Variants in SATB1 observed in about 807,000 individuals in gnomAD.
SATB1 encodes SATB homeobox 1, also known as DNA-binding protein SATB1.
SATB1 carries 11 observed loss-of-function variants against 86.9 expected under a neutral mutation model. The ratio of observed to expected loss-of-function variants is 0.13; its 90% CI spans 0.08 to 0.21. The LOEUF (loss-of-function observed/expected upper bound fraction) is 0.21. Among genes scored for constraint, SATB1 ranks in the 10% least tolerant of loss-of-function variants. The pLI, the probability that SATB1 is intolerant of heterozygous loss-of-function variation, is 1.00. For missense variants in SATB1, 551 were observed against 937.6 expected (o/e 0.59, Z 5.39); for synonymous variants, 357 against 357.2 (o/e 1.00, Z 0.01).
At chr3:18,436,564 A>C (rs984212305) in intron 2 of SATB1, among the ~76,000 whole-genome samples, 6 of 152,072 alleles carry the variant, frequency 3.9e-5, no homozygotes, top group African/African-American at 1.2e-4. Context: ...GTGCAGATTA[A>C]GTGTTCAGAT....
upstream of SATB1, among the ~76,000 whole-genome samples, chr3:18,438,948 C>A (rs1319870439): frequency 6.6e-6 from 1 of 152,218 alleles, no homozygotes; most frequent in East Asian, 1.9e-4. Context: ...TGGGGACCTG[C>A]ACCCCTAGGT....
At chr3:18,385,803 G>A (rs1377758481) in intron 8 of SATB1, among the ~76,000 whole-genome samples, 2 of 151,982 alleles carry the variant, frequency 1.3e-5, no homozygotes, top group African/African-American at 4.8e-5. Context: ...AAAGTTACCC[G>A]GAAGGCAACT....
chr3:18,377,898 C>G (rs1292819082), intron 9 of SATB1, among the ~76,000 whole-genome samples: 1 of 152,170 alleles, frequency 6.6e-6, no homozygotes, highest in African/African-American at 2.4e-5. Context: ...GAGAAACTGA[C>G]TATCCATTAT....
intron 9 of SATB1, among the ~76,000 whole-genome samples, chr3:18,369,186 G>A (rs9857794): frequency 0.11 from 15,721 of 145,528 alleles, 1,711 homozygotes; most frequent in African/African-American, 0.27. Context: ...AGAAAGAAAA[G>A]CTGTCCTTTA....
At position 18,399,283 on chromosome 3, in the gene SATB1, G is replaced by A. The variant is rs1168858396; in HGVS notation, c.640-1993C>T. Among the ~76,000 whole-genome samples, 5 of 152,280 alleles carry A rather than the reference G, an allele frequency of 3.3e-5. No individual in the cohort carries two copies. The East Asian group carries it at 9.7e-4, about 29-fold the overall frequency. On this transcript the variant is annotated intron_variant, in intron 5 of 10. Coordinates refer to ENST00000338745, the MANE Select transcript of SATB1 (RefSeq NM_002971.6). ...CTACTATATGCCTGGCTGGTAGTAA[G>A]GATGCAAAGATGGCAGACAGCCTCT...
In SATB1 at chr3:18,425,164, CG is replaced by C; in HGVS notation, c.-1563del. ...CTGCTGCTGCTGCCGCCGCCGCCGC[CG>C]CTGCCGCTGTGGGTGCCTCTTCTTC... is the stretch of plus-strand genomic sequence containing the variant. On this transcript the variant is annotated 5_prime_UTR_variant, in exon 1 of 11. It introduces an in-frame stop codon into an upstream open reading frame of the 5' UTR. Coordinates refer to ENST00000338745, the MANE Select transcript of SATB1 (RefSeq NM_002971.6). The C allele has an allele frequency of 5.7e-6, 1 of 176,104 alleles. No homozygotes were observed. The highest frequency in any genetic ancestry group is 1.2e-5 in the Non-Finnish European group (1 of 85,532). The allele number at this position is 176,104 out of a possible 1,614,324, so 10.9% of individuals were successfully genotyped here. A position where few individuals can be genotyped will look rare whatever the true frequency, so the allele number is the denominator to read the frequency against.
At chr3:18,420,510 A>C (rs1454309020) in intron 2 of SATB1, among the ~76,000 whole-genome samples, 2 of 152,190 alleles carry the variant, frequency 1.3e-5, no homozygotes, top group Non-Finnish European at 2.9e-5. Flanking sequence ...CATTATATTT[A>C]ATTCAGTCCT....
chr3:18,363,568 G>T (rs1364425884), intron 9 of SATB1, among the ~76,000 whole-genome samples: 1 of 152,148 alleles, frequency 6.6e-6, no homozygotes, highest in East Asian at 1.9e-4. Context: ...AATGGCAGCA[G>T]TGAAGCATGA....
intron 10 of SATB1, chr3:18,351,016 C>A: frequency 2.6e-6 from 1 of 383,774 alleles, no homozygotes; most frequent in Non-Finnish European, 4.9e-6. Context: ...CTATACAACT[C>A]AAGTTCAATG....
intron 9 of SATB1, among the ~76,000 whole-genome samples, chr3:18,357,167 T>C (rs1694688016): frequency 6.6e-6 from 1 of 151,846 alleles, no homozygotes. Context: ...CTTTTATGTG[T>C]TATTTGCAGG....
At chr3:18,355,268 C>T (rs1160831188) in intron 9 of SATB1, among the ~76,000 whole-genome samples, 5 of 152,066 alleles carry the variant, frequency 3.3e-5, no homozygotes, top group Non-Finnish European at 7.4e-5. Flanking sequence ...TAAATTGGCT[C>T]ATTCCCAGTT....
intron 5 of SATB1, among the ~76,000 whole-genome samples, chr3:18,398,767 A>G (rs1001173126): frequency 6.6e-6 from 1 of 152,054 alleles, no homozygotes; most frequent in Non-Finnish European, 1.5e-5. Context: ...CACATTTTAT[A>G]TCTCTAAAAA....
Position 18,416,884 on chromosome 3 carries a change from C to T in SATB1, c.388+18G>A, listed in dbSNP as rs1240390961. On this transcript the variant is annotated intron_variant, in intron 3 of 10. Transcript: ENST00000338745. Reference sequence around the variant, plus strand: ...GAATGCTAAGCAATTTTTCCAACCCCACGTACACATTATTTACCTTTGGCC... The same window carrying T: ...GAATGCTAAGCAATTTTTCCAACCCTACGTACACATTATTTACCTTTGGCC... The T allele has an allele frequency of 5.0e-6, 8 of 1,584,410 alleles. No homozygotes were observed. Among genetic ancestry groups the T allele is most frequent in the African/African-American group, 1.4e-5 (1 of 73,068 alleles).
At chr3:18,410,234 C>T (rs1697762688) in intron 5 of SATB1, among the ~76,000 whole-genome samples, 1 of 152,038 alleles carries the variant, frequency 6.6e-6, no homozygotes, top group Non-Finnish European at 1.5e-5. Flanking sequence ...AATAAATACA[C>T]TTGGAAAACT....
At chr3:18,387,563 TAA>T (rs1238302368) in intron 7 of SATB1, among the ~76,000 whole-genome samples, 15 of 152,188 alleles carry the variant, frequency 9.9e-5, no homozygotes, top group Admixed American at 1.3e-4. Flanking sequence ...CCATTGCATT[TAA>T]GAGACAATAT....
chr3:18,402,359 A>T (rs1697317094), intron 5 of SATB1, among the ~76,000 whole-genome samples: 1 of 152,082 alleles, frequency 6.6e-6, no homozygotes, highest in Non-Finnish European at 1.5e-5. Flanking sequence ...CCACCCCAAA[A>T]CAATGCTAAT....
rs1212396099 is a variant in SATB1, at chr3:18,352,385, TTCTAATCAAA to T, written c.1576-200_1576-191del. ...TGGCTGTCAAGGAGGCAGACTCTGTTTCTAATCAAAGTTCAGATTTGCATCTCAAAGGAGG... is the reference window on the plus strand; with the variant it reads ...TGGCTGTCAAGGAGGCAGACTCTGTTGTTCAGATTTGCATCTCAAAGGAGG... On this transcript the variant is annotated intron_variant, in intron 9 of 10. Coordinates refer to ENST00000338745, the MANE Select transcript of SATB1 (RefSeq NM_002971.6). This position sits in a 1 kb window ranked among gnomAD's most constrained non-coding sequence, Gnocchi z 4.1. 2 of 564,960 alleles carry T rather than the reference TTCTAATCAAA, an allele frequency of 3.5e-6. No individual in the cohort carries two copies. Among genetic ancestry groups the T allele is most frequent in the Non-Finnish European group, 6.3e-6 (2 of 318,174 alleles). The allele number at this position is 564,960 out of a possible 1,614,324, so 35.0% of individuals were successfully genotyped here. A position where few individuals can be genotyped will look rare whatever the true frequency, so the allele number is the denominator to read the frequency against.
At chr3:18,358,339 C>T (rs1280429456) in intron 9 of SATB1, among the ~76,000 whole-genome samples, 3 of 151,886 alleles carry the variant, frequency 2.0e-5, no homozygotes, top group Non-Finnish European at 4.4e-5. Context: ...GAAAAACCTT[C>T]GCTAAAGCAG....
Position 18,420,685 on chromosome 3 carries a change from C to T in SATB1, c.211+72G>A, listed in dbSNP as rs537387784. ...ATACAAAACATGTTCTGCCACTCCA[C>T]CCCCACACAGTGTGGCCTTGTGTAG... On this transcript the variant is annotated intron_variant, in intron 2 of 10. Coordinates refer to ENST00000338745, the MANE Select transcript of SATB1 (RefSeq NM_002971.6). The T allele has an allele frequency of 5.5e-5, 67 of 1,217,160 alleles. No homozygotes were observed. In the East Asian group the frequency reaches 1.6e-3, roughly 28 times the overall value. The allele number at this position is 1,217,160 out of a possible 1,614,324, so 75.4% of individuals were successfully genotyped here. A position where few individuals can be genotyped will look rare whatever the true frequency, so the allele number is the denominator to read the frequency against.
Sources: allele counts gnomAD v4.1 joint callset (sites outside exome capture counted in the v4.1 genomes callset), GRCh38; gene constraint gnomAD v4.1.1; non-coding constraint Gnocchi (gnomAD v3.1); transcripts MANE v1.5; gene names NCBI Gene and HGNC (gene_info 2026-07-23, HGNC 2026-07-21).